Variants in MALRD1 observed in about 807,000 individuals in gnomAD.
The protein encoded by MALRD1 is MAM and LDL-receptor class A domain-containing protein 1.
In MALRD1, 247 loss-of-function variants were observed where a neutral mutation model predicts 242.1. The observed-to-expected ratio is 1.02, with a 90% confidence interval of 0.92 to 1.13. The LOEUF is 1.13. Ranked by LOEUF, MALRD1 falls within the 50% of genes most tolerant of loss-of-function variation. MALRD1 has a pLI of 0.00. For missense variants in MALRD1, 2,989 were observed against 2,533.1 expected (o/e 1.18, Z -3.86); for synonymous variants, 995 against 866.6 (o/e 1.15, Z -2.60).
intron 36 of MALRD1, among the ~76,000 whole-genome samples, chr10:19,683,237 C>A (rs537340022): frequency 3.7e-4 from 56 of 152,268 alleles, no homozygotes; most frequent in African/African-American, 1.1e-3. Flanking sequence ...TAACCAAATG[C>A]TCACAATGGG....
intron 32 of MALRD1, among the ~76,000 whole-genome samples, chr10:19,561,655 G>A (rs887487563): frequency 6.6e-5 from 10 of 151,926 alleles, no homozygotes; most frequent in African/African-American, 2.4e-4. Flanking sequence ...TTATGATTAG[G>A]TCTCAGTCTT....
intron 36 of MALRD1, among the ~76,000 whole-genome samples, chr10:19,653,473 TG>T (rs1840984220): frequency 6.6e-6 from 1 of 152,168 alleles, no homozygotes; most frequent in African/African-American, 2.4e-5. Flanking sequence ...CAAGATTTTT[TG>T]TTTCCTCAGA....
intron 31 of MALRD1, among the ~76,000 whole-genome samples, chr10:19,514,299 T>A (rs1018394406): frequency 1.5e-4 from 23 of 152,304 alleles, no homozygotes; most frequent in Middle Eastern, 3.4e-3. Context: ...AAACACATAT[T>A]AATAACATAT....
intron 14 of MALRD1, among the ~76,000 whole-genome samples, chr10:19,192,330 A>G (rs911987157): frequency 7.2e-5 from 11 of 152,246 alleles, no homozygotes; most frequent in African/African-American, 2.7e-4. Context: ...GGTTTAGATA[A>G]TAATACATTT....
chr10:19,230,391 G>C (rs938700699), intron 18 of MALRD1, among the ~76,000 whole-genome samples: 2 of 152,044 alleles, frequency 1.3e-5, no homozygotes, highest in Admixed American at 6.6e-5. Context: ...TGCTTCCAGG[G>C]GGGGCCTCAG....
intron 26 of MALRD1, among the ~76,000 whole-genome samples, chr10:19,370,694 C>T (rs1324287674): frequency 6.6e-6 from 1 of 152,038 alleles, no homozygotes; most frequent in Non-Finnish European, 1.5e-5. Flanking sequence ...TCTTGTGTCT[C>T]AACCTCCTGG....
chr10:19,574,357 G>A (rs531947788), intron 33 of MALRD1, among the ~76,000 whole-genome samples: 12 of 152,162 alleles, frequency 7.9e-5, no homozygotes, highest in African/African-American at 2.4e-4. Context: ...AGAGAAATAT[G>A]TTGAATGAAG....
At chr10:19,533,561 G>A (rs1834524533) in intron 32 of MALRD1, among the ~76,000 whole-genome samples, 1 of 152,142 alleles carries the variant, frequency 6.6e-6, no homozygotes, top group Non-Finnish European at 1.5e-5. Context: ...ATGGCACTGG[G>A]CATCTGCTCA....
At position 19,511,288 on chromosome 10, in the gene MALRD1, C is replaced by T. The variant is rs551786603; in HGVS notation, c.5320+12642C>T. 2.0e-5 allele frequency among the ~76,000 whole-genome samples: 3 copies of T among 152,202 alleles called. No homozygotes were observed. The South Asian group carries it at 6.2e-4, about 32-fold the overall frequency. Reference sequence around the variant, plus strand: ...AACCCACATTGGCCTCTTTTTGAGACATGGAGTCAAAAAGATCAGCACACG... The same window carrying T: ...AACCCACATTGGCCTCTTTTTGAGATATGGAGTCAAAAAGATCAGCACACG... On this transcript the variant is annotated intron_variant, in intron 31 of 39. Transcript: ENST00000454679.
intron 22 of MALRD1, among the ~76,000 whole-genome samples, chr10:19,325,217 GTAT>G (rs1843075649): frequency 1.3e-5 from 2 of 151,528 alleles, no homozygotes; most frequent in Admixed American, 6.6e-5. Context: ...TAATCTATTA[GTAT>G]TATTATTTAT....
Position 19,490,510 on chromosome 10 carries a change from G to GGGC in MALRD1, c.5030-1005_5030-1004insCGG, listed in dbSNP as rs1554783702. 9.4e-4 allele frequency among the ~76,000 whole-genome samples: 63 copies of GGGC among 67,320 alleles called. 5 individuals are homozygous for GGGC. The highest frequency in any genetic ancestry group is 2.5e-3 in the East Asian group (3 of 1,206). The allele number at this position is 67,320 out of a possible 152,430, so 44.2% of individuals were successfully genotyped here. A position where few individuals can be genotyped will look rare whatever the true frequency, so the allele number is the denominator to read the frequency against. On this transcript the variant is annotated intron_variant, in intron 29 of 39. Coordinates refer to ENST00000454679, the MANE Select transcript of MALRD1 (RefSeq NM_001142308.3). ...AACAGAAGAAGCCAAGTGGGGCGGGGGGGGGGCAGGGTTATGGGGGTGAGG... is the reference window on the plus strand; with the variant it reads ...AACAGAAGAAGCCAAGTGGGGCGGGGGGCGGGGGGCAGGGTTATGGGGGTGAGG...
intron 26 of MALRD1, among the ~76,000 whole-genome samples, chr10:19,359,737 G>A (rs1170925884): frequency 1.4e-5 from 2 of 143,534 alleles, no homozygotes; most frequent in African/African-American, 5.3e-5. Flanking sequence ...TGACCCAGGA[G>A]AGCTGGCTTT....
In MALRD1 at chr10:19,066,761, A is replaced by C; in HGVS notation, c.242A>C (p.His81Pro). The C allele has an allele frequency of 8.1e-7, 1 of 1,233,734 alleles. No individual in the cohort carries two copies. Among genetic ancestry groups the C allele is most frequent in the Non-Finnish European group, 1.0e-6 (1 of 988,008 alleles). The allele number at this position is 1,233,734 out of a possible 1,614,324, so 76.4% of individuals were successfully genotyped here. ...ERCDFEDGLC[H>P]MTQDQSLQPS... The stretch of plus-strand genomic sequence containing the variant: ...TGTGATTTTGAGGATGGTCTCTGTC[A>C]TATGACTCAAGATCAGAGTCTGCAA... The change falls in exon 2 of 40, where the codon CAT becomes CCT. Residue 81 changes from histidine to proline, a missense_variant. Physicochemically the swap from His to Pro is moderately conservative, Grantham distance 77 (BLOSUM62 -2). Transcript: ENST00000454679.
intron 29 of MALRD1, among the ~76,000 whole-genome samples, chr10:19,469,469 T>C (rs10764027): frequency 0.81 from 123,674 of 151,918 alleles, 50,531 homozygotes; most frequent in East Asian, 1. Context: ...ATGCTTGCTC[T>C]TTTCTGAGCG....
At chr10:19,541,247 C>T (rs73595832) in intron 32 of MALRD1, among the ~76,000 whole-genome samples, 6,718 of 152,208 alleles carry the variant, frequency 0.044, 482 homozygotes, top group African/African-American at 0.15. Context: ...TGGTGTTAAA[C>T]TGCTTATCAA....
At chr10:19,362,727 G>T (rs1577300) in intron 26 of MALRD1, among the ~76,000 whole-genome samples, 118,962 of 152,074 alleles carry the variant, frequency 0.78, 47,098 homozygotes, top group African/African-American at 0.9. Flanking sequence ...GCAAGTGATG[G>T]GATCTGACTT....
chr10:19,069,793 G>A (rs537770662), intron 2 of MALRD1, among the ~76,000 whole-genome samples: 1 of 148,720 alleles, frequency 6.7e-6, no homozygotes, highest in South Asian at 2.1e-4. Flanking sequence ...TTGTTTTGAT[G>A]CTTTCAAAAT....
chr10:19,592,178 G>A (rs927746566), intron 33 of MALRD1, among the ~76,000 whole-genome samples: 5 of 152,200 alleles, frequency 3.3e-5, no homozygotes, highest in African/African-American at 7.2e-5. Context: ...TGACTTTAAG[G>A]CAGACTCCAA....
intron 36 of MALRD1, among the ~76,000 whole-genome samples, chr10:19,679,807 C>G (rs141225149): frequency 1.3e-5 from 2 of 152,254 alleles, no homozygotes; most frequent in African/African-American, 4.8e-5. Flanking sequence ...AAATTTCCCT[C>G]TTAACACTGC....
Sources: gnomAD v4.1 joint callset for allele counts (sites outside exome capture counted in the v4.1 genomes callset) on GRCh38, gnomAD v4.1.1 for gene constraint, MANE v1.5 for transcripts, NCBI Gene and HGNC (gene_info 2026-07-23, HGNC 2026-07-21) for gene names.